LY86: variants seen among roughly 807,000 people sequenced by gnomAD.
LY86 encodes lymphocyte antigen 86, also known as MD-1, RP105-associated.
Under a neutral mutation model 17.3 loss-of-function variants are expected in LY86, and 20 were observed. The ratio of observed to expected loss-of-function variants is 1.15; its 90% CI spans 0.81 to 1.68. The LOEUF (loss-of-function observed/expected upper bound fraction) is 1.68. LY86 is among the 40% of genes most tolerant of loss of function. LY86 has a pLI of 0.00. For missense variants in LY86, 200 were observed against 191.9 expected, an observed-to-expected ratio of 1.04 and a Z score of -0.25; for synonymous variants, 74 against 70.6, an observed-to-expected ratio of 1.05 and a Z score of -0.24.
At chr6:6,649,931 A>G (rs1382316192) in intron 4 of LY86, among the ~76,000 whole-genome samples, 1 of 152,164 alleles carries the variant, frequency 6.6e-6, no homozygotes, top group African/African-American at 2.4e-5. Context: ...AGTGAACCTT[A>G]GGGAATCCTC....
At chr6:6,650,076 G>C (rs1762164165) in intron 4 of LY86, among the ~76,000 whole-genome samples, 1 of 152,158 alleles carries the variant, frequency 6.6e-6, no homozygotes, top group African/African-American at 2.4e-5. Flanking sequence ...AGCTCAGGAG[G>C]CTGGCGGTTC....
chr6:6,641,387 AC>A (rs779678090), intron 3 of LY86, among the ~76,000 whole-genome samples: 4 of 152,204 alleles, frequency 2.6e-5, no homozygotes, highest in Non-Finnish European at 5.9e-5. Flanking sequence ...GACAGAGTTC[AC>A]CGTGCCCCCC....
chr6:6,605,366 G>C (rs1761077964), intron 1 of LY86, among the ~76,000 whole-genome samples: 1 of 152,234 alleles, frequency 6.6e-6, no homozygotes, highest in Non-Finnish European at 1.5e-5. Flanking sequence ...TTCTAGGCTT[G>C]GCTGGGGGAG....
intron 4 of LY86, 128 bp from the exon 5 acceptor site, chr6:6,654,416 T>G: frequency 1.4e-6 from 1 of 702,640 alleles, no homozygotes; most frequent in Non-Finnish European, 2.5e-6. Context: ...GGTTGGCTTG[T>G]CTTGTTCTAC....
At chr6:6,592,265 T>C (rs937276935) in intron 1 of LY86, among the ~76,000 whole-genome samples, 5 of 152,190 alleles carry the variant, frequency 3.3e-5, no homozygotes, top group Admixed American at 6.5e-5. Flanking sequence ...CCTGGCCAAC[T>C]GTCAATGACA....
intron 1 of LY86, among the ~76,000 whole-genome samples, chr6:6,599,675 C>T (rs1168769954): frequency 6.6e-6 from 1 of 152,190 alleles, no homozygotes; most frequent in African/African-American, 2.4e-5. Context: ...CAGTCCCTTC[C>T]CACAGGCAGA....
intron 3 of LY86, among the ~76,000 whole-genome samples, chr6:6,636,290 C>T (rs1350146557): frequency 2.6e-5 from 4 of 152,204 alleles, no homozygotes; most frequent in African/African-American, 9.7e-5. Flanking sequence ...CTCTGAGCCT[C>T]AGTTTCGTCA....
intron 1 of LY86, among the ~76,000 whole-genome samples, chr6:6,591,863 G>A (rs957132360): frequency 3.3e-5 from 5 of 152,184 alleles, no homozygotes; most frequent in Admixed American, 1.3e-4. Context: ...CAGAGACAAT[G>A]ACATGCGTGA....
intron 1 of LY86, among the ~76,000 whole-genome samples, chr6:6,603,956 G>A (rs1004206165): frequency 6.6e-6 from 1 of 152,094 alleles, no homozygotes; most frequent in African/African-American, 2.4e-5. Flanking sequence ...TAATCTCTTG[G>A]GAAACTAAGT....
At chr6:6,637,081 C>T (rs989721359) in intron 3 of LY86, among the ~76,000 whole-genome samples, 1 of 145,268 alleles carries the variant, frequency 6.9e-6, no homozygotes, top group Non-Finnish European at 1.5e-5. Flanking sequence ...GATGTGATCT[C>T]GGCTCACTGC....
intron 1 of LY86, among the ~76,000 whole-genome samples, chr6:6,607,125 AGG>A (rs1288559023): frequency 6.6e-6 from 1 of 152,258 alleles, no homozygotes; most frequent in Non-Finnish European, 1.5e-5. Context: ...CACACAGAGG[AGG>A]GGCTGGTGAG....
At chr6:6,592,516 A>C (rs1368418494) in intron 1 of LY86, among the ~76,000 whole-genome samples, 5 of 152,224 alleles carry the variant, frequency 3.3e-5, no homozygotes, top group Non-Finnish European at 5.9e-5. Flanking sequence ...GCAGTGGAAG[A>C]AGCAGGGTGA....
chr6:6,619,079 G>A (rs753988532), intron 1 of LY86, among the ~76,000 whole-genome samples: 4 of 152,090 alleles, frequency 2.6e-5, no homozygotes, highest in Admixed American at 6.6e-5. Context: ...AAAGGTCTAC[G>A]GTGACCCTTG....
At chr6:6,611,894 GAAA>G (rs544027072) in intron 1 of LY86, among the ~76,000 whole-genome samples, 1,881 of 152,168 alleles carry the variant, frequency 0.012, 24 homozygotes, top group Non-Finnish European at 0.019. Flanking sequence ...CCAAAAATAA[GAAA>G]AAAATCAGAC....
chr6:6,640,760 A>G (rs1284621215), intron 3 of LY86, among the ~76,000 whole-genome samples: 2 of 152,120 alleles, frequency 1.3e-5, no homozygotes, highest in Non-Finnish European at 2.9e-5. Context: ...AGGAGGGTAG[A>G]GATGAGTATA....
intron 3 of LY86, among the ~76,000 whole-genome samples, chr6:6,632,200 G>A (rs1761907456): frequency 6.6e-6 from 1 of 152,198 alleles, no homozygotes; most frequent in Non-Finnish European, 1.5e-5. Flanking sequence ...GGGCAAAAGG[G>A]ACTTAACAGA....
At chr6:6,596,959 C>T (rs933871724) in intron 1 of LY86, among the ~76,000 whole-genome samples, 4 of 152,114 alleles carry the variant, frequency 2.6e-5, no homozygotes, top group Non-Finnish European at 4.4e-5. Flanking sequence ...AAACGTTTTC[C>T]CAAACGCTGT....
chr6:6,609,987 A>G (rs1241983145), intron 1 of LY86, among the ~76,000 whole-genome samples: 2 of 152,150 alleles, frequency 1.3e-5, no homozygotes, highest in African/African-American at 4.8e-5. Context: ...AACAGGGTCT[A>G]TGTTGCTCAG....
intron 1 of LY86, among the ~76,000 whole-genome samples, chr6:6,624,649 G>A (rs955468199): frequency 6.6e-6 from 1 of 152,144 alleles, no homozygotes; most frequent in Non-Finnish European, 1.5e-5. Flanking sequence ...CATTTTCTAT[G>A]ATAAAAACAT....
Sources: gnomAD v4.1 joint callset for allele counts (sites outside exome capture counted in the v4.1 genomes callset) on GRCh38, gnomAD v4.1.1 for gene constraint, MANE v1.5 for transcripts, NCBI Gene and HGNC (gene_info 2026-07-23, HGNC 2026-07-21) for gene names.